The following RCAN1 variants were observed in gnomAD, a reference collection of about 807,000 sequenced individuals.
RCAN1 encodes the protein regulator of calcineurin 1.
A neutral mutation model predicts 22.9 loss-of-function variants in RCAN1; 11 were observed. That is an observed-to-expected ratio of 0.48 (90% CI 0.30 to 0.79). The LOEUF (loss-of-function observed/expected upper bound fraction) is 0.79, where lower values mean the gene tolerates loss of function less well. Among genes scored for constraint, RCAN1 ranks in the 30% least tolerant of loss-of-function variants. The probability of loss-of-function intolerance (pLI) is 0.06; values close to 1 mark genes in which losing one functional copy is unlikely to be tolerated. For synonymous variants in RCAN1, 136 were observed against 142.3 expected (o/e 0.96, Z 0.32); for missense variants, 291 against 337.8 (o/e 0.86, Z 1.09).
intron 1 of RCAN1, among the ~76,000 whole-genome samples, chr21:34,567,340 CA>C (rs888077765): frequency 6.6e-6 from 1 of 152,020 alleles, no homozygotes; most frequent in Non-Finnish European, 1.5e-5. Context: ...ATTAAAAATA[CA>C]AAAAATTAGC....
chr21:34,548,830 T>C (rs1986246832), intron 1 of RCAN1, among the ~76,000 whole-genome samples: 1 of 152,220 alleles, frequency 6.6e-6, no homozygotes, highest in South Asian at 2.1e-4. Context: ...AATAAAACTG[T>C]ATTTCTTCTA....
intron 1 of RCAN1, among the ~76,000 whole-genome samples, chr21:34,546,711 A>C (rs573920366): frequency 6.6e-6 from 1 of 152,346 alleles, no homozygotes; most frequent in East Asian, 1.9e-4. Context: ...CGTACCAGGA[A>C]CTGAAGAATA....
rs141152623 is a variant in RCAN1 at position 34,523,388 on chromosome 21, C to T, written c.426+149G>A. The stretch of plus-strand genomic sequence containing the variant: ...TGATATCTTCTTAAAACAAGTGAGA[C>T]GCTGAACATTCAGAGTAGGAATTTT... On this transcript the variant is annotated intron_variant, in intron 2 of 3. Transcript: ENST00000313806. 8.2e-4 allele frequency: 594 copies of T among 723,304 alleles called. 8 individuals are homozygous for T. In the East Asian group the frequency reaches 0.016, roughly 19 times the overall value. The allele number at this position is 723,304 out of a possible 1,614,324, so 44.8% of individuals were successfully genotyped here. A position where few individuals can be genotyped will look rare whatever the true frequency, so the allele number is the denominator to read the frequency against.
intron 1 of RCAN1, among the ~76,000 whole-genome samples, chr21:34,562,298 C>T (rs1184027374): frequency 6.6e-6 from 1 of 151,656 alleles, no homozygotes; most frequent in East Asian, 1.9e-4. Flanking sequence ...AAATCAAACA[C>T]TCTATATTCC....
chr21:34,526,770 G>A, intron 1 of RCAN1: 1 of 1,606,492 alleles, frequency 6.2e-7, no homozygotes, highest in South Asian at 1.1e-5. Flanking sequence ...TACAGTGAAA[G>A]CGCTACAGAC....
chr21:34,602,523 A>C (rs1988387930), intron 1 of RCAN1, among the ~76,000 whole-genome samples: 1 of 152,166 alleles, frequency 6.6e-6, no homozygotes, highest in Admixed American at 6.5e-5. Flanking sequence ...ATTTTTCTGA[A>C]GGGTGGTCTG....
chr21:34,536,602 A>G (rs565880326), intron 1 of RCAN1, among the ~76,000 whole-genome samples: 1 of 152,196 alleles, frequency 6.6e-6, no homozygotes, highest in South Asian at 2.1e-4. Flanking sequence ...AGCATTCCAT[A>G]CTCTCCTTAG....
chr21:34,602,727 C>A (rs1040979302), intron 1 of RCAN1, among the ~76,000 whole-genome samples: 1 of 152,204 alleles, frequency 6.6e-6, no homozygotes, highest in African/African-American at 2.4e-5. Flanking sequence ...AAAAGCTTTT[C>A]CTTCTTAATC....
intron 1 of RCAN1, among the ~76,000 whole-genome samples, chr21:34,571,739 G>C (rs1004502590): frequency 6.6e-6 from 1 of 152,004 alleles, no homozygotes; most frequent in African/African-American, 2.4e-5. Context: ...GTGAATATGG[G>C]GTTTCAGCAT....
At chr21:34,543,307 G>T (rs1211828758) in intron 1 of RCAN1, among the ~76,000 whole-genome samples, 1 of 152,224 alleles carries the variant, frequency 6.6e-6, no homozygotes, top group East Asian at 1.9e-4. Context: ...TGTAATCAAG[G>T]TGTCTTTATA....
chr21:34,563,846 A>T (rs1392886860), intron 1 of RCAN1, among the ~76,000 whole-genome samples: 3 of 143,400 alleles, frequency 2.1e-5, no homozygotes, highest in African/African-American at 7.8e-5. Flanking sequence ...GGTGCCTATA[A>T]TCACAGCTAC....
At chr21:34,563,503 C>T (rs1361940603) in intron 1 of RCAN1, among the ~76,000 whole-genome samples, 1 of 152,012 alleles carries the variant, frequency 6.6e-6, no homozygotes, top group East Asian at 1.9e-4. Context: ...GCTGGTTTAT[C>T]AGCACCAAGG....
chr21:34,562,887 C>T (rs568747327), intron 1 of RCAN1, among the ~76,000 whole-genome samples: 42 of 152,316 alleles, frequency 2.8e-4, no homozygotes, highest in African/African-American at 1.0e-3. Flanking sequence ...AATCAGAGAT[C>T]CTATTCATGT....
At chr21:34,570,651 T>C (rs1028942567) in intron 1 of RCAN1, among the ~76,000 whole-genome samples, 3 of 151,982 alleles carry the variant, frequency 2.0e-5, no homozygotes, top group African/African-American at 7.2e-5. Context: ...TTTTTTTTTT[T>C]TTTTTGGAAC....
At chr21:34,521,068 G>C in intron 3 of RCAN1, 3 of 1,224,328 alleles carry the variant, frequency 2.5e-6, no homozygotes, top group Non-Finnish European at 3.1e-6. Flanking sequence ...GGCCAGGTGA[G>C]AATCACAGGA....
chr21:34,544,470 C>A (rs1416787275), intron 1 of RCAN1, among the ~76,000 whole-genome samples: 1 of 152,152 alleles, frequency 6.6e-6, no homozygotes, highest in Non-Finnish European at 1.5e-5. Flanking sequence ...AGAACCGGTT[C>A]CAGCCTTGTT....
intron 1 of RCAN1, among the ~76,000 whole-genome samples, chr21:34,593,960 C>T (rs563966969): frequency 4.6e-5 from 7 of 152,042 alleles, no homozygotes; most frequent in Non-Finnish European, 8.8e-5. Context: ...GGGCTGGAGG[C>T]GTGGGGCATG....
intron 2 of RCAN1, chr21:34,521,894 C>A: frequency 1.9e-6 from 1 of 514,596 alleles, no homozygotes; most frequent in Admixed American, 3.5e-5. Context: ...GAGTCACAGG[C>A]ACAGGGACTG....
rs879557642 is a variant in RCAN1 at position 34,574,984 on chromosome 21, AAC to A, written c.252+39774_252+39775del. ...ATCAAGTGTTAATCACCTAAATGTC[AAC>A]GCATGGCTGATGGAGGCAGAACTGC... On this transcript the variant is annotated intron_variant, in intron 1 of 3. Transcript: ENST00000313806. Among the ~76,000 whole-genome samples, 1,187 of 152,372 alleles carry A rather than the reference AAC, an allele frequency of 7.8e-3. 38 individuals carry two copies. The highest frequency in any genetic ancestry group is 0.055 in the Admixed American group (837 of 15,308).
Sources: gnomAD v4.1 joint callset for allele counts (sites outside exome capture counted in the v4.1 genomes callset) on GRCh38, gnomAD v4.1.1 for gene constraint, MANE v1.5 for transcripts, NCBI Gene and HGNC (gene_info 2026-07-23, HGNC 2026-07-21) for gene names.